SLIT3: variants seen among roughly 807,000 people sequenced by gnomAD.
SLIT3 encodes slit guidance ligand 3.
Under a neutral mutation model 184.0 loss-of-function variants are expected in SLIT3, and 68 were observed. The observed-to-expected ratio is 0.37, with a 90% CI of 0.30 to 0.45. SLIT3 has a LOEUF of 0.45. SLIT3 is among the 20% of genes least tolerant of loss of function. The pLI is 1.00. For synonymous variants in SLIT3, 831 were observed against 828.6 expected (o/e 1.00, Z -0.05); for missense variants, 1,707 against 2,026.0 (o/e 0.84, Z 3.02).
chr5:168,896,193 C>T (rs1380944390), intron 4 of SLIT3, among the ~76,000 whole-genome samples: 3 of 152,128 alleles, frequency 2.0e-5, no homozygotes, highest in Admixed American at 6.5e-5. Context: ...AGTGAGGTAC[C>T]GTAGTGAAGG....
In SLIT3 at chr5:168,777,373, C is replaced by T. The variant is rs11134530; in HGVS notation, c.1152-2995G>A. ...GCCCAATTGTAGCAATTGGTTCTAG[C>T]GCATATTAGGCACTAGACAAGGACG... On this transcript the variant is annotated intron_variant, in intron 12 of 35. Coordinates refer to ENST00000519560, the MANE Select transcript of SLIT3 (RefSeq NM_003062.4). 7.2e-4 allele frequency among the ~76,000 whole-genome samples: 109 copies of T among 152,124 alleles called. 1 individual carries two copies. Among genetic ancestry groups the T allele is most frequent in the Non-Finnish European group, 2.5e-4 (17 of 67,984 alleles).
chr5:168,947,634 C>T (rs537883945), intron 4 of SLIT3, among the ~76,000 whole-genome samples: 1 of 152,092 alleles, frequency 6.6e-6, no homozygotes, highest in Non-Finnish European at 1.5e-5. Context: ...AAAGTGGGGG[C>T]CTGGTTCTTC....
rs750206809 is a variant in SLIT3 at position 169,193,472 on chromosome 5, T to A, written c.413+7A>T. The A allele has an allele frequency of 6.2e-7, 1 of 1,612,942 alleles. No individual in the cohort carries two copies. The highest frequency in any genetic ancestry group is 1.1e-5 in the South Asian group (1 of 91,058). ...CAAGGTAGAGAACACAAGGCAACTC[T>A]ACTCACAGTCTGGTGAGCTTCGGCG... On this transcript the variant is annotated splice_region_variant and intron_variant, in intron 4 of 35. Transcript: ENST00000519560.
Position 169,189,527 on chromosome 5 carries a change from GATAT to G in SLIT3, c.413+3948_413+3951del, listed in dbSNP as rs4042723. ...ACAGTACTGCTTCTTAGATAGATGG[GATAT>G]ATATATATATATATATATATATATA... On this transcript the variant is annotated intron_variant, in intron 4 of 35. Transcript: ENST00000519560. 4.9e-3 allele frequency among the ~76,000 whole-genome samples: 388 copies of G among 79,934 alleles called. 1 individual carries two copies. Among genetic ancestry groups the G allele is most frequent in the Middle Eastern group, 0.019 (2 of 106 alleles). The allele number at this position is 79,934 out of a possible 152,430, so 52.4% of individuals were successfully genotyped here.
chr5:168,971,995 G>A (rs1288638183), intron 4 of SLIT3, among the ~76,000 whole-genome samples: 1 of 152,220 alleles, frequency 6.6e-6, no homozygotes, highest in East Asian at 1.9e-4. Flanking sequence ...AATAATTTCT[G>A]TAAAAAAGTT....
At chr5:168,787,522 T>C (rs978306588) in intron 11 of SLIT3, among the ~76,000 whole-genome samples, 1 of 152,140 alleles carries the variant, frequency 6.6e-6, no homozygotes, top group Non-Finnish European at 1.5e-5. Context: ...CCTTGGGAGG[T>C]GTCTCTTTAA....
At chr5:168,857,637 T>A (rs1362777423) in intron 5 of SLIT3, among the ~76,000 whole-genome samples, 2 of 152,176 alleles carry the variant, frequency 1.3e-5, no homozygotes, top group African/African-American at 4.8e-5. Flanking sequence ...TCTCATTTTG[T>A]TGTTATAGGT....
At chr5:168,986,796 C>T (rs1013492387) in intron 4 of SLIT3, among the ~76,000 whole-genome samples, 4 of 152,198 alleles carry the variant, frequency 2.6e-5, no homozygotes, top group African/African-American at 7.2e-5. Flanking sequence ...GTCATAACAA[C>T]AAAGACCTTG....
intron 14 of SLIT3, among the ~76,000 whole-genome samples, chr5:168,768,960 T>C (rs1204953100): frequency 2.0e-5 from 3 of 152,200 alleles, no homozygotes; most frequent in Non-Finnish European, 2.9e-5. Context: ...CCGTAGGGTT[T>C]GGACTGAGGA....
intron 4 of SLIT3, among the ~76,000 whole-genome samples, chr5:168,910,194 G>A (rs1269876650): frequency 6.6e-6 from 1 of 152,192 alleles, no homozygotes; most frequent in Non-Finnish European, 1.5e-5. Flanking sequence ...ATGTAGTGAA[G>A]TCTGTGTGTT....
chr5:168,681,367 A>G (rs1028612812), intron 32 of SLIT3, among the ~76,000 whole-genome samples: 4 of 152,160 alleles, frequency 2.6e-5, no homozygotes, highest in Non-Finnish European at 5.9e-5. Flanking sequence ...GGAATGAGTG[A>G]GAGTGTACTA....
chr5:168,952,157 C>T (rs887841481), intron 4 of SLIT3, among the ~76,000 whole-genome samples: 23 of 152,110 alleles, frequency 1.5e-4, no homozygotes, highest in Non-Finnish European at 1.5e-5. Flanking sequence ...ATCATGGGGC[C>T]GCCTGTAATA....
chr5:168,876,951 A>G (rs72827688), intron 5 of SLIT3, among the ~76,000 whole-genome samples: 10,765 of 152,294 alleles, frequency 0.071, 556 homozygotes, highest in East Asian at 0.21. Flanking sequence ...AACAATGTGT[A>G]TGATTTCTGG....
At chr5:169,034,128 T>C (rs973341705) in intron 4 of SLIT3, among the ~76,000 whole-genome samples, 10 of 152,198 alleles carry the variant, frequency 6.6e-5, no homozygotes, top group African/African-American at 2.4e-4. Context: ...ATGAGTTCTT[T>C]ATGAATTTGG....
intron 4 of SLIT3, among the ~76,000 whole-genome samples, chr5:169,140,426 G>C (rs1761681982): frequency 7.2e-6 from 1 of 138,424 alleles, no homozygotes; most frequent in African/African-American, 2.7e-5. Flanking sequence ...GTTGCAGTGA[G>C]CAGAGATTGC....
chr5:168,721,329 C>T, intron 23 of SLIT3, among the ~76,000 whole-genome samples: 1 of 152,098 alleles, frequency 6.6e-6, no homozygotes, highest in East Asian at 1.9e-4. Flanking sequence ...TGCCTTCCTG[C>T]CCTAGCAAGC....
chr5:168,951,592 G>A (rs1762653204), intron 4 of SLIT3, among the ~76,000 whole-genome samples: 1 of 152,194 alleles, frequency 6.6e-6, no homozygotes. Context: ...ACTGGTTACA[G>A]CAACAACTGA....
chr5:168,712,469 G>C (rs1762588402), intron 23 of SLIT3, 115 bp from the exon 24 acceptor site: 2 of 831,222 alleles, frequency 2.4e-6, no homozygotes, highest in African/African-American at 3.3e-5. Flanking sequence ...GAGCCCCACT[G>C]CTCCTAGCAG....
intron 4 of SLIT3, among the ~76,000 whole-genome samples, chr5:169,116,842 C>T (rs571900926): frequency 9.8e-5 from 15 of 152,316 alleles, no homozygotes; most frequent in South Asian, 6.2e-4. Context: ...ACAATCATGT[C>T]CTACTTGTTT....
Sources: gnomAD v4.1 joint callset for allele counts (sites outside exome capture counted in the v4.1 genomes callset) on GRCh38, gnomAD v4.1.1 for gene constraint, MANE v1.5 for transcripts, NCBI Gene and HGNC (gene_info 2026-07-23, HGNC 2026-07-21) for gene names.